Variants in VPS50 observed in about 807,000 individuals in gnomAD.
VPS50 encodes VPS50 subunit of EARP/GARPII complex, also known as syndetin.
VPS50 carries 70 observed loss-of-function variants against 139.7 expected under a neutral mutation model. The observed-to-expected ratio is 0.50, with a 90% confidence interval of 0.41 to 0.61. VPS50 has a LOEUF of 0.61. Ranked by LOEUF, VPS50 falls within the 20% of genes least tolerant of loss-of-function variation. VPS50 has a pLI of 0.00. For missense variants in VPS50, 921 were observed against 1,133.7 expected (o/e 0.81, Z 2.69); for synonymous variants, 365 against 376.7 (o/e 0.97, Z 0.36).
intron 1 of VPS50, among the ~76,000 whole-genome samples, chr7:93,239,320 G>C (rs1794911157): frequency 6.6e-6 from 1 of 152,094 alleles, no homozygotes; most frequent in Non-Finnish European, 1.5e-5. Context: ...AAAGTACAGG[G>C]CACCAAAGAA....
At chr7:93,239,262 C>G (rs759554461) in intron 1 of VPS50, among the ~76,000 whole-genome samples, 9 of 151,916 alleles carry the variant, frequency 5.9e-5, no homozygotes, top group Non-Finnish European at 1.0e-4. Flanking sequence ...AATAATTTCC[C>G]CTGGTACAAA....
intron 23 of VPS50, among the ~76,000 whole-genome samples, chr7:93,346,613 G>T (rs1033586921): frequency 1.3e-5 from 2 of 151,896 alleles, no homozygotes; most frequent in African/African-American, 4.8e-5. Flanking sequence ...CATGGTACTG[G>T]TACCAAAACA....
rs146965572 is a variant in VPS50, at chr7:93,309,001, G to A, written c.1748+59G>A. ...TTTATCTTGTGCTCTTAACATATAG[G>A]ATTTCCTTTAAGGTTAAGAAGAAAC... On this transcript the variant is annotated intron_variant, in intron 19 of 27. Coordinates refer to ENST00000305866, the MANE Select transcript of VPS50 (RefSeq NM_017667.4). The A allele has an allele frequency of 2.9e-3, 2,579 of 883,196 alleles. 12 individuals are homozygous for A. The highest frequency in any genetic ancestry group is 4.3e-3 in the Non-Finnish European group (2,385 of 548,766). The allele number at this position is 883,196 out of a possible 1,614,324, so 54.7% of individuals were successfully genotyped here.
intron 2 of VPS50, among the ~76,000 whole-genome samples, chr7:93,246,315 T>G (rs1795153185): frequency 6.6e-6 from 1 of 151,828 alleles, no homozygotes. Context: ...ATTCTGCCAT[T>G]GAGTTATATA....
intron 2 of VPS50, chr7:93,246,034 T>C (rs1393802011): frequency 8.8e-6 from 8 of 905,694 alleles, no homozygotes; most frequent in Non-Finnish European, 1.2e-5. Flanking sequence ...AAACTTCATG[T>C]TTTGTTCTTA....
Position 93,303,465 on chromosome 7 carries a change from G to T in VPS50, c.1367G>T (p.Arg456Leu), listed in dbSNP as rs944033426. ...GTTCATTTTCTTTTTTTAAGAACAC[G>T]GCTCGATGAACTGAGAATGTTCTTA... ...VNYFKNYHRTRLDELRMFLEN... is the reference protein window; with the variant it reads ...VNYFKNYHRTLLDELRMFLEN... Residue 456 changes from arginine to leucine, a missense_variant, in exon 17 of 28, where the codon CGG becomes CTG. Physicochemically the swap from Arg to Leu is moderately radical, Grantham distance 102 (BLOSUM62 -2). Transcript: ENST00000305866. 1 of 1,541,504 alleles carries T rather than the reference G, an allele frequency of 6.5e-7. No individual in the cohort carries two copies. The highest frequency in any genetic ancestry group is 8.9e-7 in the Non-Finnish European group (1 of 1,127,266).
At chr7:93,358,273 A>G in intron 27 of VPS50, 44 bp from the exon 28 acceptor site, 1 of 1,598,092 alleles carries the variant, frequency 6.3e-7, no homozygotes, top group Non-Finnish European at 8.6e-7. Flanking sequence ...GATCAGATAC[A>G]TTCCTTTTAG....
At chr7:93,287,708 A>G (rs1264737955) in intron 12 of VPS50, among the ~76,000 whole-genome samples, 1 of 152,162 alleles carries the variant, frequency 6.6e-6, no homozygotes, top group Non-Finnish European at 1.5e-5. Flanking sequence ...AATAAAAGTT[A>G]GAACTACTGA....
chr7:93,258,656 C>T (rs137864226), intron 8 of VPS50, among the ~76,000 whole-genome samples: 151 of 151,986 alleles, frequency 9.9e-4, no homozygotes, highest in African/African-American at 3.5e-3. Flanking sequence ...GTATTGCGTC[C>T]AAATAGCAAT....
chr7:93,301,562 A>G (rs1796975672), intron 16 of VPS50, among the ~76,000 whole-genome samples: 1 of 152,132 alleles, frequency 6.6e-6, no homozygotes, highest in Non-Finnish European at 1.5e-5. Context: ...GTTTTAAATT[A>G]CTGTGTAATA....
intron 25 of VPS50, 48 bp from the exon 26 acceptor site, chr7:93,353,591 TG>T: frequency 1.3e-6 from 2 of 1,577,028 alleles, no homozygotes; most frequent in Non-Finnish European, 1.7e-6. Context: ...GGGAAAGCAT[TG>T]TGGCATTTTA....
chr7:93,334,037 C>G, intron 21 of VPS50, 80 bp from the exon 22 acceptor site: 1 of 840,442 alleles, frequency 1.2e-6, no homozygotes, highest in Non-Finnish European at 2.0e-6. Context: ...GAAAACTCAT[C>G]AAATATCTTG....
At chr7:93,326,238 A>G (rs1157771708) in intron 21 of VPS50, among the ~76,000 whole-genome samples, 1 of 140,124 alleles carries the variant, frequency 7.1e-6, no homozygotes, top group South Asian at 2.3e-4. Context: ...ATAGGTGGGA[A>G]TTGAACAATG....
At chr7:93,242,455 G>A (rs1795021865) in intron 2 of VPS50, among the ~76,000 whole-genome samples, 2 of 151,376 alleles carry the variant, frequency 1.3e-5, no homozygotes, top group Admixed American at 6.6e-5. Flanking sequence ...AAATTATTTG[G>A]AAGCTTGGGT....
intron 25 of VPS50, among the ~76,000 whole-genome samples, chr7:93,352,086 TCA>T (rs1025003067): frequency 1.3e-5 from 2 of 152,350 alleles, no homozygotes; most frequent in Admixed American, 1.3e-4. Context: ...TTTGTATGAT[TCA>T]TTTTATAACA....
chr7:93,267,375 A>G (rs1795872242), intron 9 of VPS50, among the ~76,000 whole-genome samples: 1 of 152,150 alleles, frequency 6.6e-6, no homozygotes, highest in Non-Finnish European at 1.5e-5. Flanking sequence ...GTTCTTCTAA[A>G]ACATTCTCTT....
intron 16 of VPS50, among the ~76,000 whole-genome samples, chr7:93,297,557 C>G (rs1796846634): frequency 6.6e-6 from 1 of 152,040 alleles, no homozygotes; most frequent in South Asian, 2.1e-4. Flanking sequence ...TACCTGCATA[C>G]ATATGGGTGT....
Position 93,232,453 on chromosome 7 carries a change from C to T in VPS50, c.-15C>T. The stretch of plus-strand genomic sequence containing the variant: ...TTAGCTCTTTGAGGCAGGGTACCCT[C>T]CTCAGGATTTCGATATGCAAAAAAT... On this transcript the variant is annotated 5_prime_UTR_variant, in exon 1 of 28. Transcript: ENST00000305866. The T allele has an allele frequency of 3.1e-6, 5 of 1,611,816 alleles. No individual in the cohort carries two copies. Among genetic ancestry groups the T allele is most frequent in the Non-Finnish European group, 4.2e-6 (5 of 1,178,054 alleles).
chr7:93,233,304 T>C, intron 1 of VPS50, among the ~76,000 whole-genome samples: 1 of 152,394 alleles, frequency 6.6e-6, no homozygotes, highest in Middle Eastern at 3.4e-3. Context: ...CTTTAATATT[T>C]CACTAGAATT....
Sources: gnomAD v4.1 joint callset for allele counts (sites outside exome capture counted in the v4.1 genomes callset) on GRCh38, gnomAD v4.1.1 for gene constraint, MANE v1.5 for transcripts, NCBI Gene and HGNC (gene_info 2026-07-23, HGNC 2026-07-21) for gene names.